Variants in BAZ2B observed in about 807,000 individuals in gnomAD.
The protein encoded by BAZ2B is bromodomain adjacent to zinc finger domain 2B, also known as bromodomain adjacent to zinc finger domain protein 2B.
A neutral mutation model predicts 246.0 loss-of-function variants in BAZ2B; 91 were observed. That is an observed-to-expected ratio of 0.37 (90% confidence interval 0.31 to 0.44). BAZ2B has a LOEUF of 0.44. BAZ2B is among the 20% of genes least tolerant of loss of function. The pLI is 1.00. For missense variants in BAZ2B, 2,332 were observed against 2,533.7 expected, an observed-to-expected ratio of 0.92 and a Z score of 1.71; for synonymous variants, 855 against 860.0, an observed-to-expected ratio of 0.99 and a Z score of 0.10.
intron 1 of BAZ2B, among the ~76,000 whole-genome samples, chr2:159,574,138 CACAT>C (rs796312989): frequency 0.084 from 9,374 of 111,484 alleles, 387 homozygotes; most frequent in East Asian, 0.26. Flanking sequence ...CACACACACA[CACAT>C]ACACACACAC....
At chr2:159,629,950 A>G in the BAZ2B span, among the ~76,000 whole-genome samples, 1 of 152,354 alleles carries the variant, frequency 6.6e-6, no homozygotes, top group African/African-American at 2.4e-5. Context: ...AATGTAGTAT[A>G]GTATGTCACC....
chr2:159,376,401 A>G (rs1037881293), intron 25 of BAZ2B, among the ~76,000 whole-genome samples: 1 of 151,504 alleles, frequency 6.6e-6, no homozygotes, highest in Non-Finnish European at 1.5e-5. Context: ...CTACCCAATG[A>G]AAAAAAAAGT....
chr2:159,585,518 T>G (rs1193342931), intron 1 of BAZ2B, among the ~76,000 whole-genome samples: 1 of 152,252 alleles, frequency 6.6e-6, no homozygotes, highest in South Asian at 2.1e-4. Flanking sequence ...TTGACCTTTT[T>G]GATTAAATGA....
chr2:159,475,184 G>C (rs532338957), intron 3 of BAZ2B, among the ~76,000 whole-genome samples: 1 of 152,206 alleles, frequency 6.6e-6, no homozygotes, highest in African/African-American at 2.4e-5. Context: ...TCACTTTCAG[G>C]TGCACCAATC....
At chr2:159,638,328 T>A in the BAZ2B span, among the ~76,000 whole-genome samples, 1 of 152,178 alleles carries the variant, frequency 6.6e-6, no homozygotes, top group African/African-American at 2.4e-5. Flanking sequence ...AACTCTTCAA[T>A]GTCCAGACAC....
At chr2:159,475,693 T>A (rs2078442127) in intron 3 of BAZ2B, among the ~76,000 whole-genome samples, 1 of 152,240 alleles carries the variant, frequency 6.6e-6, no homozygotes, top group African/African-American at 2.4e-5. Flanking sequence ...TGTGGATTTA[T>A]CTACCTTTGG....
chr2:159,644,900 T>C, the BAZ2B span, among the ~76,000 whole-genome samples: 1 of 152,182 alleles, frequency 6.6e-6, no homozygotes, highest in Non-Finnish European at 1.5e-5. Context: ...CCTTAATAAT[T>C]CCTTTTTCAT....
At chr2:159,354,102 T>C (rs1401034600) in intron 27 of BAZ2B, among the ~76,000 whole-genome samples, 1 of 152,198 alleles carries the variant, frequency 6.6e-6, no homozygotes, top group African/African-American at 2.4e-5. Flanking sequence ...CCAATCCTTT[T>C]AACTTTAGAT....
chr2:159,702,871 T>G, the BAZ2B span, among the ~76,000 whole-genome samples: 1 of 151,786 alleles, frequency 6.6e-6, no homozygotes, highest in Non-Finnish European at 1.5e-5. Flanking sequence ...AAACCCAGTC[T>G]CTACTAAAAA....
chr2:159,672,724 T>C, the BAZ2B span, among the ~76,000 whole-genome samples: 1 of 152,200 alleles, frequency 6.6e-6, no homozygotes, highest in African/African-American at 2.4e-5. Flanking sequence ...TTTAGAAATT[T>C]AGTATGCAAT....
chr2:159,480,798 G>A (rs2079145646), intron 2 of BAZ2B, among the ~76,000 whole-genome samples: 1 of 151,850 alleles, frequency 6.6e-6, no homozygotes, highest in Non-Finnish European at 1.5e-5. Context: ...GTAAGAAGGG[G>A]CTTAACTTCT....
At chr2:159,535,446 C>T (rs902679749) in intron 2 of BAZ2B, among the ~76,000 whole-genome samples, 2 of 152,158 alleles carry the variant, frequency 1.3e-5, no homozygotes, top group African/African-American at 2.4e-5. Context: ...TGCTTGAACT[C>T]GGCAGGTGGA....
In BAZ2B at chr2:159,455,130, T is replaced by A. The variant is rs2075575859; in HGVS notation, c.146-1329A>T. Among the ~76,000 whole-genome samples the A allele has an allele frequency of 2.0e-5, 3 of 152,148 alleles. 1 individual carries two copies. The highest frequency in any genetic ancestry group is 2.0e-4 in the Admixed American group (3 of 15,278). On this transcript the variant is annotated intron_variant, in intron 3 of 36. Transcript: ENST00000392783. Reference sequence around the variant, plus strand: ...CTTATTATCTCTTGTTTATATTATATCAGTCCTGACTGTGCACTGCAATTT... The same window carrying A: ...CTTATTATCTCTTGTTTATATTATAACAGTCCTGACTGTGCACTGCAATTT...
chr2:159,381,550 CATCCCA>C (rs1266275166), intron 25 of BAZ2B, among the ~76,000 whole-genome samples: 1 of 152,152 alleles, frequency 6.6e-6, no homozygotes, highest in East Asian at 1.9e-4. Context: ...TTTCCTCCCT[CATCCCA>C]ACTACCATTG....
intron 13 of BAZ2B, among the ~76,000 whole-genome samples, chr2:159,414,969 T>C (rs1370622076): frequency 6.6e-6 from 1 of 152,130 alleles, no homozygotes. Context: ...AATGGAACCA[T>C]TCCTTCAACA....
intron 10 of BAZ2B, among the ~76,000 whole-genome samples, chr2:159,429,467 G>C (rs1238762131): frequency 6.6e-6 from 1 of 151,970 alleles, no homozygotes; most frequent in East Asian, 1.9e-4. Flanking sequence ...TGAATGACAG[G>C]ATAACTAGTT....
intron 3 of BAZ2B, among the ~76,000 whole-genome samples, chr2:159,467,660 G>C (rs1391248531): frequency 6.6e-6 from 1 of 151,466 alleles, no homozygotes; most frequent in East Asian, 1.9e-4. Context: ...TAAATTAAGT[G>C]ATTTATTTTG....
intron 9 of BAZ2B, among the ~76,000 whole-genome samples, chr2:159,432,197 A>G (rs1052412746): frequency 3.3e-5 from 5 of 152,174 alleles, no homozygotes; most frequent in African/African-American, 1.2e-4. Context: ...TTATGTTTTC[A>G]GTCTTCTGTG....
the BAZ2B span, among the ~76,000 whole-genome samples, chr2:159,641,359 T>C: frequency 6.6e-6 from 1 of 152,236 alleles, no homozygotes; most frequent in African/African-American, 2.4e-5. Context: ...GCCACATGTA[T>C]GTCTTCTTTT....
Sources: gnomAD v4.1 joint callset for allele counts (sites outside exome capture counted in the v4.1 genomes callset) on GRCh38, gnomAD v4.1.1 for gene constraint, MANE v1.5 for transcripts, NCBI Gene and HGNC (gene_info 2026-07-23, HGNC 2026-07-21) for gene names.